The following FGF12 variants were observed in gnomAD, a reference collection of about 807,000 sequenced individuals.
FGF12 encodes fibroblast growth factor 12B.
In FGF12, 14 loss-of-function variants were observed where a neutral mutation model predicts 23.6. The observed-to-expected ratio is 0.59, with a 90% CI of 0.39 to 0.93. The LOEUF (loss-of-function observed/expected upper bound fraction) is 0.93, where lower values mean the gene tolerates loss of function less well. Among genes scored for constraint, FGF12 ranks in the 40% least tolerant of loss-of-function variants. The pLI is 0.00. For missense variants in FGF12, 175 were observed against 217.8 expected (o/e 0.80, Z 1.24); for synonymous variants, 62 against 77.3 (o/e 0.80, Z 1.04).
intron 2 of FGF12, among the ~76,000 whole-genome samples, chr3:192,652,540 C>T (rs1215177446): frequency 6.6e-6 from 1 of 152,200 alleles, no homozygotes; most frequent in Non-Finnish European, 1.5e-5. Flanking sequence ...TGTTTACTTG[C>T]TCTTGGCTTC....
At chr3:192,603,402 A>T (rs1430720095) in intron 2 of FGF12, among the ~76,000 whole-genome samples, 4 of 152,204 alleles carry the variant, frequency 2.6e-5, no homozygotes. Context: ...GTTCAAGCTG[A>T]GAGCCAAATC....
chr3:192,328,279 C>T (rs149827036), intron 4 of FGF12, among the ~76,000 whole-genome samples: 2 of 152,284 alleles, frequency 1.3e-5, no homozygotes, highest in African/African-American at 4.8e-5. Context: ...GAGAATAACA[C>T]TATGATTTAG....
chr3:192,311,836 G>A (rs535916564), intron 4 of FGF12, among the ~76,000 whole-genome samples: 4 of 152,086 alleles, frequency 2.6e-5, no homozygotes, highest in East Asian at 3.9e-4. Context: ...CCTTTGCAGC[G>A]GGTGGGAGGT....
Position 192,325,197 on chromosome 3 carries a change from G to A in FGF12, c.228+10164C>T, listed in dbSNP as rs527935888. Among the ~76,000 whole-genome samples the A allele has an allele frequency of 9.2e-5, 14 of 151,900 alleles. No individual in the cohort carries two copies. The East Asian group carries it at 2.5e-3, about 27-fold the overall frequency. The stretch of plus-strand genomic sequence containing the variant: ...CCATATTTTCTTTCTTTTTTTAACT[G>A]AAAAAATTTCCAGTTCATTTAATAA... On this transcript the variant is annotated intron_variant, in intron 4 of 5. Transcript: ENST00000445105.
intron 2 of FGF12, among the ~76,000 whole-genome samples, chr3:192,398,973 T>C (rs776337645): frequency 6.6e-6 from 1 of 152,150 alleles, no homozygotes; most frequent in Non-Finnish European, 1.5e-5. Flanking sequence ...ACACAGGCAG[T>C]ATACTAAGTT....
chr3:192,516,722 C>G (rs2108843622), intron 2 of FGF12: 1 of 152,388 alleles, frequency 6.6e-6, no homozygotes, highest in Admixed American at 6.5e-5. Context: ...CCAGGCCTTT[C>G]TTTCTAGTCG....
chr3:192,617,720 T>G (rs1237671462), intron 2 of FGF12, among the ~76,000 whole-genome samples: 1 of 152,072 alleles, frequency 6.6e-6, no homozygotes, highest in African/African-American at 2.4e-5. Context: ...ATTTTGATAG[T>G]GCTAGTCCAA....
At chr3:192,560,080 GA>G (rs1711949059) in intron 2 of FGF12, among the ~76,000 whole-genome samples, 1 of 151,906 alleles carries the variant, frequency 6.6e-6, no homozygotes, top group Non-Finnish European at 1.5e-5. Context: ...AATTCACTAA[GA>G]TGAAGAAAAT....
intron 2 of FGF12, among the ~76,000 whole-genome samples, chr3:192,391,829 T>A (rs1720304410): frequency 1.3e-5 from 2 of 152,220 alleles, no homozygotes; most frequent in Non-Finnish European, 2.9e-5. Flanking sequence ...CAATATTACT[T>A]CTATAGATGA....
rs758468162 is a variant in FGF12 at position 192,141,184 on chromosome 3, G to A, written c.*2825C>T. 1.1e-4 allele frequency: 12 copies of A among 108,496 alleles called. No individual in the cohort carries two copies. The highest frequency in any genetic ancestry group is 1.9e-4 in the Non-Finnish European group (10 of 51,798). 6.7% of individuals were successfully genotyped at this position (108,496 alleles called of 1,614,324 possible). ...ATTTTACTTAAAAAGGAAAAGTGAC[G>A]AATGAATTGAAGACCCAGAAATCAG... On this transcript the variant is annotated 3_prime_UTR_variant, in exon 6 of 6. Transcript: ENST00000445105.
intron 2 of FGF12, among the ~76,000 whole-genome samples, chr3:192,403,873 G>A (rs1241082883): frequency 6.6e-6 from 1 of 152,032 alleles, no homozygotes; most frequent in Non-Finnish European, 1.5e-5. Flanking sequence ...AATGTTGAAT[G>A]AGTATACTGT....
chr3:192,607,846 TAAA>T (rs36061162), intron 2 of FGF12, among the ~76,000 whole-genome samples: 2,119 of 122,032 alleles, frequency 0.017, 28 homozygotes, highest in South Asian at 0.05. Context: ...CACTGAAAAT[TAAA>T]AAAAAAAAAA....
At chr3:192,672,557 A>G (rs1717163812) in intron 2 of FGF12, among the ~76,000 whole-genome samples, 1 of 150,982 alleles carries the variant, frequency 6.6e-6, no homozygotes, top group African/African-American at 2.4e-5. Context: ...AACACAGGGG[A>G]CAGATCCGTG....
At chr3:192,483,778 C>T (rs1444646736) in intron 2 of FGF12, among the ~76,000 whole-genome samples, 1 of 151,718 alleles carries the variant, frequency 6.6e-6, no homozygotes, top group Non-Finnish European at 1.5e-5. Flanking sequence ...ATAAGCAGTA[C>T]CCTAGAAGAA....
chr3:192,717,037 C>T (rs1718887533), intron 2 of FGF12, among the ~76,000 whole-genome samples: 1 of 152,170 alleles, frequency 6.6e-6, no homozygotes, highest in African/African-American at 2.4e-5. Flanking sequence ...TGATAACAGG[C>T]AGGAAGGCCC....
chr3:192,484,438 A>G (rs1302825715), intron 2 of FGF12, among the ~76,000 whole-genome samples: 2 of 152,140 alleles, frequency 1.3e-5, no homozygotes, highest in Non-Finnish European at 2.9e-5. Flanking sequence ...ATGATAAAAT[A>G]TGCTGATTAC....
At chr3:192,297,200 G>A (rs905498631) in intron 4 of FGF12, among the ~76,000 whole-genome samples, 6 of 152,114 alleles carry the variant, frequency 3.9e-5, no homozygotes, top group Non-Finnish European at 7.4e-5. Context: ...CACGATTTGC[G>A]TCATAGCCCA....
intron 5 of FGF12, among the ~76,000 whole-genome samples, chr3:192,148,814 C>A (rs754726444): frequency 6.6e-6 from 1 of 152,058 alleles, no homozygotes; most frequent in Admixed American, 6.6e-5. Flanking sequence ...AGGTACAGGG[C>A]GAGGAAAAGG....
At chr3:192,343,182 T>C (rs1348007589) in intron 3 of FGF12, among the ~76,000 whole-genome samples, 1 of 152,118 alleles carries the variant, frequency 6.6e-6, no homozygotes, top group African/African-American at 2.4e-5. Context: ...TTTTGTCAAA[T>C]GGCCAATAAA....
Sources: allele counts gnomAD v4.1 joint callset (sites outside exome capture counted in the v4.1 genomes callset), GRCh38; gene constraint gnomAD v4.1.1; transcripts MANE v1.5; gene names NCBI Gene and HGNC (gene_info 2026-07-23, HGNC 2026-07-21).